Variants in CRPPA observed in about 807,000 individuals in gnomAD.
CRPPA encodes the protein CDP-L-ribitol pyrophosphorylase A.
A neutral mutation model predicts 52.0 loss-of-function variants in CRPPA; 43 were observed. The ratio of observed to expected loss-of-function variants is 0.83; its 90% CI spans 0.65 to 1.07. CRPPA has a LOEUF of 1.07. Ranked by LOEUF, CRPPA falls within the 50% of genes least tolerant of loss-of-function variation. CRPPA has a pLI of 0.00. For missense variants in CRPPA, 629 were observed against 551.7 expected, an observed-to-expected ratio of 1.14 and a Z score of -1.40; for synonymous variants, 250 against 203.5, an observed-to-expected ratio of 1.23 and a Z score of -1.94.
intron 3 of CRPPA, among the ~76,000 whole-genome samples, chr7:16,367,029 C>T (rs1019076828): frequency 1.1e-4 from 16 of 152,152 alleles, no homozygotes; most frequent in African/African-American, 3.4e-4. Context: ...AGTAACAAGT[C>T]AGCTCTTTCT....
intron 6 of CRPPA, among the ~76,000 whole-genome samples, chr7:16,276,383 A>G (rs1331592636): frequency 2.0e-5 from 3 of 152,224 alleles, no homozygotes; most frequent in Non-Finnish European, 4.4e-5. Flanking sequence ...TGGACTTTAA[A>G]GGAAAAGAAT....
intron 1 of CRPPA, among the ~76,000 whole-genome samples, chr7:16,414,345 A>G (rs1583591181): frequency 8.8e-6 from 1 of 113,064 alleles, no homozygotes; most frequent in African/African-American, 3.4e-5. Context: ...CCACCCCCCT[A>G]CCCCAACACA....
At chr7:16,305,288 G>T (rs906662209) in intron 4 of CRPPA, among the ~76,000 whole-genome samples, 14 of 151,916 alleles carry the variant, frequency 9.2e-5, no homozygotes, top group Non-Finnish European at 1.5e-5. Flanking sequence ...CAGTTAACAG[G>T]GAAAAAAATG....
chr7:16,259,351 G>A (rs1366304560), intron 6 of CRPPA, among the ~76,000 whole-genome samples: 1 of 151,870 alleles, frequency 6.6e-6, no homozygotes, highest in Non-Finnish European at 1.5e-5. Flanking sequence ...AAAGAGAAAG[G>A]GTGCAGTGAT....
chr7:16,144,134 C>G (rs1212890206), intron 9 of CRPPA, among the ~76,000 whole-genome samples: 1 of 152,172 alleles, frequency 6.6e-6, no homozygotes, highest in Non-Finnish European at 1.5e-5. Flanking sequence ...AGCCCACAGA[C>G]CTTGATACCA....
intron 3 of CRPPA, among the ~76,000 whole-genome samples, chr7:16,359,857 C>T (rs1786396153): frequency 6.6e-6 from 1 of 152,132 alleles, no homozygotes; most frequent in Non-Finnish European, 1.5e-5. Flanking sequence ...TTTGAGATTT[C>T]CAGTAACCTC....
At chr7:16,269,360 T>C (rs1447890857) in intron 6 of CRPPA, 4 of 151,418 alleles carry the variant, frequency 2.6e-5, no homozygotes, top group Non-Finnish European at 5.9e-5. Flanking sequence ...CCTTATAACA[T>C]AAAATTGACA....
intron 8 of CRPPA, among the ~76,000 whole-genome samples, chr7:16,230,943 G>A (rs929714878): frequency 3.3e-5 from 5 of 152,034 alleles, no homozygotes; most frequent in African/African-American, 9.7e-5. Context: ...GTATAAGATG[G>A]AGATTGAGTT....
intron 9 of CRPPA, among the ~76,000 whole-genome samples, chr7:16,117,064 C>T (rs2128368701): frequency 6.6e-6 from 1 of 152,284 alleles, no homozygotes; most frequent in Admixed American, 6.5e-5. Context: ...CAGACTTCCA[C>T]ATGTATTTTT....
At chr7:16,298,905 G>T (rs1262193837) in intron 5 of CRPPA, among the ~76,000 whole-genome samples, 1 of 152,192 alleles carries the variant, frequency 6.6e-6, no homozygotes, top group African/African-American at 2.4e-5. Context: ...CTCCGACTGG[G>T]ATTTACACCC....
chr7:16,242,759 A>C (rs1783155502), intron 8 of CRPPA, among the ~76,000 whole-genome samples: 1 of 152,192 alleles, frequency 6.6e-6, no homozygotes, highest in Non-Finnish European at 1.5e-5. Flanking sequence ...TATGCTGACC[A>C]GTCTCCAATT....
chr7:16,400,920 A>G (rs1214869471), intron 2 of CRPPA, among the ~76,000 whole-genome samples: 2 of 152,198 alleles, frequency 1.3e-5, no homozygotes, highest in East Asian at 3.8e-4. Context: ...GGAATCCTAA[A>G]GCTTTTATGC....
chr7:16,206,923 T>C (rs7777414), intron 9 of CRPPA, among the ~76,000 whole-genome samples: 9,506 of 152,192 alleles, frequency 0.062, 778 homozygotes, highest in East Asian at 0.3. Context: ...AATTAAAGTA[T>C]ACTTCCTTAC....
chr7:16,283,799 G>T (rs1320428428), intron 5 of CRPPA, among the ~76,000 whole-genome samples: 1 of 151,812 alleles, frequency 6.6e-6, no homozygotes, highest in African/African-American at 2.4e-5. Context: ...TTATCTGCAT[G>T]TCTCACTGGG....
intron 2 of CRPPA, among the ~76,000 whole-genome samples, chr7:16,392,439 T>C (rs776625081): frequency 6.6e-6 from 1 of 152,176 alleles, no homozygotes. Flanking sequence ...ACCTAGTTCA[T>C]ATGATAGACT....
At chr7:16,376,749 C>A (rs1372876093) in intron 2 of CRPPA, among the ~76,000 whole-genome samples, 1 of 152,212 alleles carries the variant, frequency 6.6e-6, no homozygotes, top group African/African-American at 2.4e-5. Flanking sequence ...CAAGGAAAAA[C>A]AGTTCCTGTC....
intron 4 of CRPPA, among the ~76,000 whole-genome samples, chr7:16,304,618 G>A (rs2128423866): frequency 6.6e-6 from 1 of 152,168 alleles, no homozygotes; most frequent in South Asian, 2.1e-4. Context: ...TCCAGCCTGG[G>A]TGACAGAGCA....
intron 3 of CRPPA, among the ~76,000 whole-genome samples, chr7:16,328,098 C>T (rs1198744116): frequency 1.3e-5 from 2 of 152,188 alleles, no homozygotes; most frequent in Non-Finnish European, 2.9e-5. Flanking sequence ...TACTAGGTGA[C>T]ATTAATGAAC....
intron 9 of CRPPA, among the ~76,000 whole-genome samples, chr7:16,151,781 G>C (rs1783080326): frequency 6.6e-6 from 1 of 151,644 alleles, no homozygotes; most frequent in Admixed American, 6.6e-5. Context: ...TCTATTTTAA[G>C]AAAAGTATAA....
Sources: allele counts gnomAD v4.1 joint callset (sites outside exome capture counted in the v4.1 genomes callset), GRCh38; gene constraint gnomAD v4.1.1; transcripts MANE v1.5; gene names NCBI Gene and HGNC (gene_info 2026-07-23, HGNC 2026-07-21).